Variants in PIGK observed in about 807,000 individuals in gnomAD.
PIGK encodes the protein GPI-anchor transamidase.
In PIGK, 42 loss-of-function variants were observed where a neutral mutation model predicts 50.6. That is an observed-to-expected ratio of 0.83 (90% CI 0.65 to 1.07). The LOEUF is 1.07. Ranked by LOEUF, PIGK falls within the 50% of genes least tolerant of loss-of-function variation. PIGK has a pLI of 0.00. For synonymous variants in PIGK, 151 were observed against 156.0 expected (o/e 0.97, Z 0.24); for missense variants, 448 against 488.7 (o/e 0.92, Z 0.78).
At position 77,187,840 on chromosome 1, in the gene PIGK, G is replaced by A. The variant is rs1655786005; in HGVS notation, c.240-18445C>T. 2.6e-5 allele frequency among the ~76,000 whole-genome samples: 4 copies of A among 152,318 alleles called. No individual in the cohort carries two copies. The South Asian group carries it at 8.3e-4, about 32-fold the overall frequency. ...GCTGAAGCCATGGCAGAAGAATGTA[G>A]ATTGTGAAGATTTTATGGACATTTT... On this transcript the variant is annotated intron_variant, in intron 3 of 10. Coordinates refer to ENST00000370812, the MANE Select transcript of PIGK (RefSeq NM_005482.3).
At chr1:77,188,009 A>G (rs1385561706) in intron 3 of PIGK, among the ~76,000 whole-genome samples, 1 of 152,176 alleles carries the variant, frequency 6.6e-6, no homozygotes, top group African/African-American at 2.4e-5. Context: ...CTTTACTTTA[A>G]TCTCTTAATC....
intron 10 of PIGK, among the ~76,000 whole-genome samples, chr1:77,113,014 A>T (rs1653888210): frequency 6.6e-6 from 1 of 152,132 alleles, no homozygotes; most frequent in East Asian, 1.9e-4. Context: ...CAGAAAAAGA[A>T]AACATTCTTC....
chr1:77,105,754 T>TTATC (rs1653654697), intron 10 of PIGK, among the ~76,000 whole-genome samples: 1 of 152,186 alleles, frequency 6.6e-6, no homozygotes, highest in Non-Finnish European at 1.5e-5. Context: ...CATTTACACA[T>TTATC]TATCTATTGG....
intron 10 of PIGK, among the ~76,000 whole-genome samples, chr1:77,103,863 T>C (rs894882713): frequency 6.6e-6 from 1 of 151,880 alleles, no homozygotes; most frequent in Non-Finnish European, 1.5e-5. Flanking sequence ...CTATAGCTGG[T>C]AGAAGGGAAA....
chr1:77,196,200 G>A (rs1356996748), intron 3 of PIGK, among the ~76,000 whole-genome samples: 3 of 152,168 alleles, frequency 2.0e-5, no homozygotes, highest in Non-Finnish European at 4.4e-5. Context: ...TGGTGTATAT[G>A]TACCACATTT....
rs762861183 is a variant in PIGK, at chr1:77,169,222, A to G, written c.375+38T>C. On this transcript the variant is annotated intron_variant, in intron 4 of 10. Coordinates refer to ENST00000370812, the MANE Select transcript of PIGK (RefSeq NM_005482.3). ...ATTGTTTTAGAGCCTAAAAGTAACA[A>G]TGCCATTTTAAAAATGTGGCTAGAT... The G allele has an allele frequency of 5.1e-6, 7 of 1,364,768 alleles. No homozygotes were observed. The East Asian group carries it at 1.8e-4, about 34-fold the overall frequency. 84.5% of individuals were successfully genotyped at this position (1,364,768 alleles called of 1,614,324 possible). A position where few individuals can be genotyped will look rare whatever the true frequency, so the allele number is the denominator to read the frequency against.
chr1:77,089,015 C>T lies in PIGK; in HGVS notation c.*3359G>A, dbSNP rs1322976273. ...TTGGAGTAAATAAATTTTTAATAAC[C>T]AGTTTCTTGGTTACAACTTCATCTA... is the stretch of plus-strand genomic sequence containing the variant. On this transcript the variant is annotated 3_prime_UTR_variant, in exon 11 of 11. Transcript: ENST00000370812. The T allele has an allele frequency of 6.6e-6, 1 of 152,124 alleles. No individual in the cohort carries two copies. The highest frequency in any genetic ancestry group is 1.5e-5 in the Non-Finnish European group (1 of 68,028). 9.4% of individuals were successfully genotyped at this position (152,124 alleles called of 1,614,324 possible).
rs573942730 is a variant in PIGK at position 77,192,760 on chromosome 1, C to T, written c.239+13880G>A. Among the ~76,000 whole-genome samples, 6 of 152,150 alleles carry T rather than the reference C, an allele frequency of 3.9e-5. No homozygotes were observed. In the South Asian group the frequency reaches 1.2e-3, roughly 32 times the overall value. On this transcript the variant is annotated intron_variant, in intron 3 of 10. Coordinates refer to ENST00000370812, the MANE Select transcript of PIGK (RefSeq NM_005482.3). ...TGCTAGAGTTAATGGGTATAGAGTACAGGATGGTGGAAATAAATACAGAAT... is the reference window on the plus strand; with the variant it reads ...TGCTAGAGTTAATGGGTATAGAGTATAGGATGGTGGAAATAAATACAGAAT...
At position 77,154,569 on chromosome 1, in the gene PIGK, T is replaced by G. The variant is rs1191190575; in HGVS notation, c.866A>C (p.Asp289Ala). 6.2e-7 allele frequency: 1 copy of G among 1,612,976 alleles called. No homozygotes were observed. Among genetic ancestry groups the G allele is most frequent in the South Asian group, 1.1e-5 (1 of 91,044 alleles). Residue 289 changes from aspartate to alanine, a missense_variant, in exon 9 of 11, where the codon GAT (aspartate) becomes GCT (alanine). By Grantham distance (126) the Asp-to-Ala change is moderately radical. Coordinates refer to ENST00000370812, the MANE Select transcript of PIGK (RefSeq NM_005482.3). Reference protein sequence around the residue: ...LCVSTPGHRTDLFQRDPKNVL... With the variant: ...LCVSTPGHRTALFQRDPKNVL... ...ATTTTTAGGATCCCTCTGAAAAAGA[T>G]CAGTGCGATGTCCAGGAGTAGACAC...
At chr1:77,110,222 G>GC (rs537294085) in intron 10 of PIGK, among the ~76,000 whole-genome samples, 1 of 152,068 alleles carries the variant, frequency 6.6e-6, no homozygotes, top group Non-Finnish European at 1.5e-5. Flanking sequence ...TCCCCATCAA[G>GC]TGCCAATGAC....
chr1:77,093,119 G>A (rs1653335504), intron 10 of PIGK, among the ~76,000 whole-genome samples: 1 of 151,956 alleles, frequency 6.6e-6, no homozygotes, highest in Non-Finnish European at 1.5e-5. Context: ...TCTCCCACCT[G>A]ATATGTTATT....
intron 1 of PIGK, among the ~76,000 whole-genome samples, chr1:77,218,509 T>A (rs1030569021): frequency 6.6e-6 from 1 of 152,196 alleles, no homozygotes; most frequent in Admixed American, 6.5e-5. Flanking sequence ...GCAGCACATC[T>A]GGTTGAGAAA....
intron 10 of PIGK, among the ~76,000 whole-genome samples, chr1:77,121,216 A>G (rs1654087992): frequency 6.6e-6 from 1 of 152,210 alleles, no homozygotes. Context: ...GCATGAAGAC[A>G]GAATTTTAAA....
intron 10 of PIGK, among the ~76,000 whole-genome samples, chr1:77,116,335 C>G (rs1653962613): frequency 6.6e-6 from 1 of 152,048 alleles, no homozygotes; most frequent in South Asian, 2.1e-4. Flanking sequence ...AGGCGCCCAC[C>G]ACCACGCCCG....
intron 9 of PIGK, chr1:77,129,288 C>T: frequency 6.2e-7 from 1 of 1,606,514 alleles, no homozygotes; most frequent in Non-Finnish European, 8.5e-7. Flanking sequence ...ACAGTGTGTA[C>T]CATTCCGACG....
intron 1 of PIGK, among the ~76,000 whole-genome samples, chr1:77,218,491 G>A (rs1463784739): frequency 6.6e-6 from 1 of 152,196 alleles, no homozygotes. Flanking sequence ...CAGGTTTCTA[G>A]CTTAGGAGCA....
At chr1:77,105,592 A>G (rs2100514492) in intron 10 of PIGK, among the ~76,000 whole-genome samples, 1 of 152,244 alleles carries the variant, frequency 6.6e-6, no homozygotes, top group South Asian at 2.1e-4. Flanking sequence ...GGACAGCTTA[A>G]TCAAAACACT....
At chr1:77,167,577 T>C (rs966015481) in intron 4 of PIGK, among the ~76,000 whole-genome samples, 1 of 150,930 alleles carries the variant, frequency 6.6e-6, no homozygotes, top group African/African-American at 2.4e-5. Flanking sequence ...GACCCCCATC[T>C]CTGGAAAAAT....
At chr1:77,120,349 G>A (rs1008795537) in intron 10 of PIGK, among the ~76,000 whole-genome samples, 1 of 152,088 alleles carries the variant, frequency 6.6e-6, no homozygotes, top group Non-Finnish European at 1.5e-5. Context: ...CTCCCGAGTA[G>A]GTGGGACTAC....
Sources: gnomAD v4.1 joint callset for allele counts (sites outside exome capture counted in the v4.1 genomes callset) on GRCh38, gnomAD v4.1.1 for gene constraint, MANE v1.5 for transcripts, NCBI Gene and HGNC (gene_info 2026-07-23, HGNC 2026-07-21) for gene names.